VPS4A: variants seen among roughly 807,000 people sequenced by gnomAD.
The protein encoded by VPS4A is vacuolar protein sorting 4 homolog A.
In VPS4A, 20 loss-of-function variants were observed where a neutral mutation model predicts 52.3. That is an observed-to-expected ratio of 0.38 (90% CI 0.27 to 0.56). The LOEUF (loss-of-function observed/expected upper bound fraction) is 0.56. VPS4A is among the 20% of genes least tolerant of loss of function. VPS4A has a pLI of 0.72. For missense variants in VPS4A, 419 were observed against 575.9 expected (o/e 0.73, Z 2.79); for synonymous variants, 293 against 227.7 (o/e 1.29, Z -2.58).
At chr16:69,315,448 CTG>C (rs1030393864) in intron 1 of VPS4A, among the ~76,000 whole-genome samples, 1 of 152,190 alleles carries the variant, frequency 6.6e-6, no homozygotes, top group Non-Finnish European at 1.5e-5. Flanking sequence ...GCGAAGGAAA[CTG>C]TCTTCTCTCT....
chr16:69,311,620 T>A, intron 1 of VPS4A, 88 bp downstream of exon 1: 1 of 1,198,768 alleles, frequency 8.3e-7, no homozygotes, highest in South Asian at 4.0e-5. Context: ...GGTGGTCAGG[T>A]GGGCGCCTCC....
At chr16:69,318,965 C>G (rs752663733) in intron 5 of VPS4A, 23 bp downstream of exon 5, 32 of 1,606,142 alleles carry the variant, frequency 2.0e-5, no homozygotes, top group Admixed American at 6.8e-5. Flanking sequence ...CCATTTCAAA[C>G]CCCAATGTAA....
rs1426034831 is a variant in VPS4A at position 69,326,807 on chromosome 16, A to G, written c.*2498A>G. On this transcript the variant is annotated 3_prime_UTR_variant, in exon 11 of 11. Transcript: ENST00000254950. Reference sequence around the variant, plus strand: ...AAACCTTCTGCCTACATTGGCTTTCACTGTGGAAGTTGATTTCTAAAACTC... The same window carrying G: ...AAACCTTCTGCCTACATTGGCTTTCGCTGTGGAAGTTGATTTCTAAAACTC... The G allele has an allele frequency of 6.6e-6, 1 of 152,166 alleles. No homozygotes were observed. Among genetic ancestry groups the G allele is most frequent in the Admixed American group, 6.5e-5 (1 of 15,274 alleles). The allele number at this position is 152,166 out of a possible 1,614,324, so 9.4% of individuals were successfully genotyped here.
chr16:69,319,079 T>A, intron 5 of VPS4A, 137 bp downstream of exon 5: 1 of 1,292,464 alleles, frequency 7.7e-7, no homozygotes, highest in Non-Finnish European at 1.1e-6. Context: ...CTCGCTGGTG[T>A]CCACAACACT....
At chr16:69,312,048 C>T (rs1965383955) in intron 1 of VPS4A, among the ~76,000 whole-genome samples, 1 of 152,190 alleles carries the variant, frequency 6.6e-6, no homozygotes, top group East Asian at 1.9e-4. Context: ...GCTGGGATGG[C>T]GCCACCTGGG....
chr16:69,319,276 G>T (rs555087901), intron 5 of VPS4A, 111 bp from the exon 6 acceptor site: 60 of 1,471,790 alleles, frequency 4.1e-5, no homozygotes, highest in Non-Finnish European at 5.4e-5. Flanking sequence ...AGTAGAGTCC[G>T]TTGTTTCACA....
chr16:69,318,186 T>A (rs1965462520), intron 3 of VPS4A, among the ~76,000 whole-genome samples: 1 of 152,154 alleles, frequency 6.6e-6, no homozygotes, highest in African/African-American at 2.4e-5. Flanking sequence ...TTTCCCAGGC[T>A]GGTCTCAAAC....
chr16:69,316,285 A>G lies in VPS4A; in HGVS notation c.194A>G (p.Asp65Gly). 1 of 1,613,834 alleles carries G rather than the reference A, an allele frequency of 6.2e-7. No individual in the cohort carries two copies. Residue 65 changes from aspartate to glycine, a missense_variant, in exon 3 of 11, where the codon GAC (aspartate) becomes GGC (glycine). By Grantham distance (94) the Asp-to-Gly change is moderately conservative. Transcript: ENST00000254950. ...SIRAKCVQYL[D>G]RAEKLKDYLR... is the part of the protein sequence containing the mutation. ...CGAGCCAAGTGCGTGCAGTACCTAG[A>G]CCGGGCCGAGAAGCTGAAGGATTAT...
chr16:69,323,599 G>A (rs1467750094), intron 10 of VPS4A: 4 of 455,756 alleles, frequency 8.8e-6, no homozygotes, highest in South Asian at 4.6e-5. Flanking sequence ...GCATAGCCTG[G>A]CCCGTGCCAT....
Position 69,320,808 on chromosome 16 carries a change from C to T in VPS4A, c.851+39C>T. The T allele has an allele frequency of 1.9e-6, 3 of 1,564,194 alleles. No homozygotes were observed. The highest frequency in any genetic ancestry group is 2.6e-6 in the Non-Finnish European group (3 of 1,150,030). ...AGGAGAAGCCAGGGCTGGAGGCTTC[C>T]TCCCACCATGGTCACGGTCCGCCTG... is the stretch of plus-strand genomic sequence containing the variant. On this transcript the variant is annotated intron_variant, in intron 8 of 10. Transcript: ENST00000254950. The surrounding 1 kb of genome is among the most constrained non-coding windows in gnomAD (Gnocchi z 4.2).
intron 3 of VPS4A, among the ~76,000 whole-genome samples, chr16:69,317,260 T>A (rs1256181627): frequency 2.6e-5 from 4 of 152,066 alleles, no homozygotes; most frequent in Admixed American, 2.6e-4. Flanking sequence ...AGTGGCTGCG[T>A]TCTCCCCAGG....
In VPS4A at chr16:69,321,544, G is replaced by A. The variant is rs972111386; in HGVS notation, c.1071+274G>A. ...CTGCGGCCTCCTCCGTCAGCACTGT[G>A]TGCTCTTGTGCGGGGTGGACACCAA... On this transcript the variant is annotated intron_variant, in intron 9 of 10. Coordinates refer to ENST00000254950, the MANE Select transcript of VPS4A (RefSeq NM_013245.3). The surrounding 1 kb of genome is among the most constrained non-coding windows in gnomAD (Gnocchi z 4.5). The A allele has an allele frequency of 4.1e-6, 2 of 487,832 alleles. No homozygotes were observed. The highest frequency in any genetic ancestry group is 3.4e-5 in the Admixed American group (1 of 29,604). 30.2% of individuals were successfully genotyped at this position (487,832 alleles called of 1,614,324 possible). A position where few individuals can be genotyped will look rare whatever the true frequency, so the allele number is the denominator to read the frequency against.
At chr16:69,323,857 GGA>G (rs1244240321) in intron 10 of VPS4A, among the ~76,000 whole-genome samples, 5 of 151,042 alleles carry the variant, frequency 3.3e-5, no homozygotes, top group Non-Finnish European at 7.4e-5. Flanking sequence ...GGCTGAGGCA[GGA>G]GAGTCACTTG....
chr16:69,323,107 G>A (rs1965534839), intron 10 of VPS4A: 1 of 162,516 alleles, frequency 6.2e-6, no homozygotes, highest in Non-Finnish European at 1.3e-5. Flanking sequence ...CTGGGCTGTT[G>A]AGAATGGCCT....
In VPS4A at chr16:69,324,573, C is replaced by A; in HGVS notation, c.*264C>A. On this transcript the variant is annotated 3_prime_UTR_variant, in exon 11 of 11. Transcript: ENST00000254950. ...TCATCAGCTCCTTCTGCCTCCCCCCCTTTTTTTTCCATCTTTTGTTCCCCT... is the reference window on the plus strand; with the variant it reads ...TCATCAGCTCCTTCTGCCTCCCCCCATTTTTTTTCCATCTTTTGTTCCCCT... 4.7e-6 allele frequency: 2 copies of A among 429,446 alleles called. No individual in the cohort carries two copies. Among genetic ancestry groups the A allele is most frequent in the Non-Finnish European group, 8.6e-6 (2 of 233,076 alleles). 26.6% of individuals were successfully genotyped at this position (429,446 alleles called of 1,614,324 possible). A position where few individuals can be genotyped will look rare whatever the true frequency, so the allele number is the denominator to read the frequency against.
Position 69,321,337 on chromosome 16 carries a change from CCCAGCTCCTGGT to C in VPS4A, c.1071+70_1071+81del. On this transcript the variant is annotated intron_variant, in intron 9 of 10. Transcript: ENST00000254950. The surrounding 1 kb of genome is among the most constrained non-coding windows in gnomAD (Gnocchi z 4.5). ...GAGCGGGATGTTCGGTTTTTTTTTT[CCCAGCTCCTGGT>C]CCTGCTCCCCGGCTGCTCAGGTGAC... 1 of 1,440,382 alleles carries C rather than the reference CCCAGCTCCTGGT, an allele frequency of 6.9e-7. No homozygotes were observed. Among genetic ancestry groups the C allele is most frequent in the South Asian group, 1.3e-5 (1 of 79,790 alleles). The allele number at this position is 1,440,382 out of a possible 1,614,324, so 89.2% of individuals were successfully genotyped here.
At position 69,320,116 on chromosome 16, in the gene VPS4A, C is replaced by T. The variant is rs901760540; in HGVS notation, c.621-25C>T. On this transcript the variant is annotated intron_variant, in intron 6 of 10. Coordinates refer to ENST00000254950, the MANE Select transcript of VPS4A (RefSeq NM_013245.3). This position sits in a 1 kb window ranked among gnomAD's most constrained non-coding sequence, Gnocchi z 4.2. ...CGGGCACGGACGTGAACGTCTTGTC[C>T]TCACCCCCTTTCTCACCTTCACAGG... The T allele has an allele frequency of 6.8e-6, 11 of 1,607,142 alleles. No homozygotes were observed. In the African/African-American group the frequency reaches 1.1e-4, roughly 16 times the overall value.
intron 1 of VPS4A, among the ~76,000 whole-genome samples, chr16:69,315,783 C>A (rs928664394): frequency 6.6e-6 from 1 of 152,186 alleles, no homozygotes; most frequent in Non-Finnish European, 1.5e-5. Context: ...CAGAGCGTGG[C>A]TTTTAACCGT....
intron 1 of VPS4A, among the ~76,000 whole-genome samples, chr16:69,314,114 C>T (rs796164685): frequency 1.1e-4 from 16 of 151,532 alleles, no homozygotes; most frequent in African/African-American, 3.6e-4. Context: ...TACAGGCACG[C>T]GTCACCACAC....
Sources: allele counts gnomAD v4.1 joint callset (sites outside exome capture counted in the v4.1 genomes callset), GRCh38; gene constraint gnomAD v4.1.1; non-coding constraint Gnocchi (gnomAD v3.1); transcripts MANE v1.5; gene names NCBI Gene and HGNC (gene_info 2026-07-23, HGNC 2026-07-21).